The following L1TD1 variants were observed in gnomAD, a reference collection of about 807,000 sequenced individuals.
L1TD1 encodes LINE1 type transposase domain containing 1, also known as LINE-1 type transposase domain-containing protein 1.
Under a neutral mutation model 25.7 loss-of-function variants are expected in L1TD1, and 26 were observed. That is an observed-to-expected ratio of 1.01 (90% CI 0.74 to 1.40). The LOEUF is 1.40. L1TD1 is among the 40% of genes most tolerant of loss of function. The probability of loss-of-function intolerance (pLI) is 0.00; values close to 1 mark genes in which losing one functional copy is unlikely to be tolerated. For missense variants in L1TD1, 1,130 were observed against 975.0 expected (o/e 1.16, Z -2.12); for synonymous variants, 421 against 335.6 (o/e 1.25, Z -2.78).
intron 2 of L1TD1, among the ~76,000 whole-genome samples, chr1:62,201,001 C>G (rs909853109): frequency 2.6e-5 from 4 of 151,924 alleles, no homozygotes; most frequent in Admixed American, 1.3e-4. Flanking sequence ...GGCGTTAACC[C>G]TAATTCAACC....
intron 2 of L1TD1, among the ~76,000 whole-genome samples, chr1:62,204,641 T>G (rs116002899): frequency 0.035 from 5,327 of 152,252 alleles, 107 homozygotes; most frequent in Non-Finnish European, 0.049. Context: ...TGGGCTCAAG[T>G]AATCATTCCA....
rs553111238 is a variant in L1TD1, at chr1:62,212,108, T to C, written c.*736T>C. 1 of 151,996 alleles carries C rather than the reference T, an allele frequency of 6.6e-6. No individual in the cohort carries two copies. Among genetic ancestry groups the C allele is most frequent in the Admixed American group, 6.6e-5 (1 of 15,240 alleles). The allele number at this position is 151,996 out of a possible 1,614,324, so 9.4% of individuals were successfully genotyped here. The stretch of plus-strand genomic sequence containing the variant: ...AAAAGCACGGGAAAAGATGGCAAGG[T>C]TAGTTAAAATAGAAAAGTGCTCAGT... On this transcript the variant is annotated 3_prime_UTR_variant, in exon 4 of 4. Transcript: ENST00000498273.
intron 2 of L1TD1, among the ~76,000 whole-genome samples, chr1:62,199,572 T>C (rs901552887): frequency 1.3e-5 from 2 of 150,344 alleles, no homozygotes; most frequent in Admixed American, 6.6e-5. Context: ...GCTGTAATTT[T>C]CAGTTTTAAG....
At chr1:62,198,766 A>G (rs1370834546) in intron 2 of L1TD1, among the ~76,000 whole-genome samples, 3 of 143,390 alleles carry the variant, frequency 2.1e-5, no homozygotes, top group Non-Finnish European at 3.1e-5. Context: ...CCTGTATTGT[A>G]TACTTTTAAA....
Position 62,207,374 on chromosome 1 carries a change from T to A in L1TD1, c.746T>A (p.Leu249His), listed in dbSNP as rs1306770392. 2 of 1,551,622 alleles carry A rather than the reference T, an allele frequency of 1.3e-6. No individual in the cohort carries two copies. The highest frequency in any genetic ancestry group is 3.9e-5 in the Admixed American group (2 of 51,006). Residue 249 changes from leucine to histidine, a missense_variant, in exon 3 of 4, where the codon CTT becomes CAT. Transcript: ENST00000498273. ...GCAGTACTTACCCTGGTAGCCGACC[T>A]TTCATCAGCAACACTGGATATTAGT... ...EGAVLTLVADLSSATLDISKQ... is the reference protein window; with the variant it reads ...EGAVLTLVADHSSATLDISKQ...
chr1:62,206,400 CTTT>C, intron 2 of L1TD1, 116 bp from the exon 3 acceptor site: 1 of 265,012 alleles, frequency 3.8e-6, no homozygotes, highest in Non-Finnish European at 6.9e-6. Flanking sequence ...TGCTAGTGAA[CTTT>C]TTATTAATTT....
At chr1:62,203,574 C>T (rs1247221046) in intron 2 of L1TD1, among the ~76,000 whole-genome samples, 1 of 152,106 alleles carries the variant, frequency 6.6e-6, no homozygotes, top group African/African-American at 2.4e-5. Context: ...GCCACCACGT[C>T]TGGCTAATGT....
Position 62,207,014 on chromosome 1 carries a change from A to G in L1TD1, c.386A>G (p.Asp129Gly). The G allele has an allele frequency of 6.2e-7, 1 of 1,613,328 alleles. No individual in the cohort carries two copies. Among genetic ancestry groups the G allele is most frequent in the Non-Finnish European group, 8.5e-7 (1 of 1,179,776 alleles). The change falls in exon 3 of 4, where the codon GAT becomes GGT. Residue 129 changes from aspartate (D) to glycine (G), a missense_variant. By Grantham distance (94) the Asp-to-Gly change is moderately conservative (BLOSUM62 -1). Transcript: ENST00000498273. ...GGAGAAAACTCTAAAATAGGTGATGATAATGAAAATTTAACCTTTAAATTA... is the reference window on the plus strand; with the variant it reads ...GGAGAAAACTCTAAAATAGGTGATGGTAATGAAAATTTAACCTTTAAATTA... Reference protein sequence around the residue: ...IEGENSKIGDDNENLTFKLEV... With the variant: ...IEGENSKIGDGNENLTFKLEV...
At position 62,206,621 on chromosome 1, in the gene L1TD1, T is replaced by C. The variant is rs1204387206; in HGVS notation, c.-8T>C. Reference sequence around the variant, plus strand: ...AAAACAGAATCCAGTCTTGACAACATATCCACAATGTCTGATGTATCTACT... The same window carrying C: ...AAAACAGAATCCAGTCTTGACAACACATCCACAATGTCTGATGTATCTACT... On this transcript the variant is annotated 5_prime_UTR_variant, in exon 3 of 4. Transcript: ENST00000498273. 7 of 1,489,882 alleles carry C rather than the reference T, an allele frequency of 4.7e-6. No individual in the cohort carries two copies. The highest frequency in any genetic ancestry group is 1.4e-5 in the African/African-American group (1 of 70,804). The allele number at this position is 1,489,882 out of a possible 1,614,324, so 92.3% of individuals were successfully genotyped here. A position where few individuals can be genotyped will look rare whatever the true frequency, so the allele number is the denominator to read the frequency against.
At chr1:62,205,395 C>CTCTCTCTCTCTCTCTCTT (rs1670719671) in intron 2 of L1TD1, among the ~76,000 whole-genome samples, 1 of 38,072 alleles carries the variant, frequency 2.6e-5, no homozygotes, top group African/African-American at 1.1e-4. Context: ...CTCTTTCTCT[C>CTCTCTCTCTCTCTCTCTT]TCTCTCTCTC....
intron 2 of L1TD1, among the ~76,000 whole-genome samples, chr1:62,199,599 G>A (rs907329309): frequency 2.6e-5 from 4 of 152,194 alleles, no homozygotes; most frequent in East Asian, 1.9e-4. Flanking sequence ...ATGGTGGTGC[G>A]TGCTTGTATT....
At position 62,209,798 on chromosome 1, in the gene L1TD1, G is replaced by C. The variant is rs755571024; in HGVS notation, c.1024G>C (p.Asp342His). Residue 342 changes from aspartate (D) to histidine (H), a missense_variant, in exon 4 of 4, where the codon GAC becomes CAC. Asp to His is a moderately conservative substitution (Grantham distance 81). Transcript: ENST00000498273. Reference protein sequence around the residue: ...IQEKRDKTLIDSKHRAGEITS... With the variant: ...IQEKRDKTLIHSKHRAGEITS... ...TAACTTTCAGGATAAAACCCTAATAGACTCAAAGCATAGAGCTGGAGAAAT... is the reference window on the plus strand; with the variant it reads ...TAACTTTCAGGATAAAACCCTAATACACTCAAAGCATAGAGCTGGAGAAAT... The C allele has an allele frequency of 4.4e-6, 7 of 1,574,636 alleles. No individual in the cohort carries two copies. Among genetic ancestry groups the C allele is most frequent in the East Asian group, 2.2e-5 (1 of 44,650 alleles).
At position 62,205,443 on chromosome 1, in the gene L1TD1, A is replaced by AT. The variant is rs1261055805; in HGVS notation, c.-110-1067dup. 3.1e-3 allele frequency among the ~76,000 whole-genome samples: 199 copies of AT among 63,546 alleles called. 2 individuals are homozygous for AT. Among genetic ancestry groups the AT allele is most frequent in the Non-Finnish European group, 4.5e-3 (146 of 32,484 alleles). The allele number at this position is 63,546 out of a possible 152,430, so 41.7% of individuals were successfully genotyped here. ...TATATATATATATATATATATATAT[A>AT]TTTTTTTTTAGACAGTCTTGCTGTG... On this transcript the variant is annotated intron_variant, in intron 2 of 3. Coordinates refer to ENST00000498273, the MANE Select transcript of L1TD1 (RefSeq NM_019079.5).
intron 1 of L1TD1, 50 bp from the exon 2 acceptor site, chr1:62,196,385 C>T (rs901744073): frequency 4.1e-4 from 63 of 152,196 alleles, no homozygotes; most frequent in African/African-American, 1.4e-3. Flanking sequence ...TGATTTTCTA[C>T]ATTAAATAAA....
At chr1:62,201,916 A>G (rs1375689021) in intron 2 of L1TD1, among the ~76,000 whole-genome samples, 2 of 152,152 alleles carry the variant, frequency 1.3e-5, no homozygotes, top group Non-Finnish European at 2.9e-5. Context: ...ATAGGGTCCT[A>G]TGGACCTGTC....
rs116349428 is a variant in L1TD1, at chr1:62,211,558, G to C, written c.*186G>C. On this transcript the variant is annotated 3_prime_UTR_variant, in exon 4 of 4. Coordinates refer to ENST00000498273, the MANE Select transcript of L1TD1 (RefSeq NM_019079.5). ...TAAAGGGTATGTTTAAAAAAAATAG[G>C]CTGGTCTCAATGTAGTGAGTTATTT... 36,787 of 973,914 alleles carry C rather than the reference G, an allele frequency of 0.038. 862 individuals carry two copies. Among genetic ancestry groups the C allele is most frequent in the Middle Eastern group, 0.047 (132 of 2,826 alleles). 60.3% of individuals were successfully genotyped at this position (973,914 alleles called of 1,614,324 possible). A position where few individuals can be genotyped will look rare whatever the true frequency, so the allele number is the denominator to read the frequency against.
chr1:62,205,373 TTCTCTCTCTCTCTCTTTCTCTCTC>T lies in L1TD1; in HGVS notation c.-110-1130_-110-1107del, dbSNP rs1240908873. On this transcript the variant is annotated intron_variant, in intron 2 of 3. Coordinates refer to ENST00000498273, the MANE Select transcript of L1TD1 (RefSeq NM_019079.5). The stretch of plus-strand genomic sequence containing the variant: ...AAAATAAAACCAACGAAAACTCTCT[TTCTCTCTCTCTCTCTTTCTCTCTC>T]TCTCTCTCTCTCTCTCTCTCTATAT... Among the ~76,000 whole-genome samples the T allele has an allele frequency of 3.6e-3, 329 of 90,186 alleles. 8 individuals carry two copies. Among genetic ancestry groups the T allele is most frequent in the African/African-American group, 0.011 (295 of 25,730 alleles). The allele number at this position is 90,186 out of a possible 152,430, so 59.2% of individuals were successfully genotyped here.
At chr1:62,205,933 G>GTT in intron 2 of L1TD1, among the ~76,000 whole-genome samples, 1 of 152,088 alleles carries the variant, frequency 6.6e-6, no homozygotes, top group Admixed American at 6.6e-5. Context: ...GTCACCCTAT[G>GTT]TTGCCCAGGC....
intron 1 of L1TD1, among the ~76,000 whole-genome samples, chr1:62,195,412 A>G (rs1670515100): frequency 6.6e-6 from 1 of 152,276 alleles, no homozygotes; most frequent in African/African-American, 2.4e-5. Context: ...TGAAGAAAAA[A>G]TAAAGTCAAG....
Sources: gnomAD v4.1 joint callset for allele counts (sites outside exome capture counted in the v4.1 genomes callset) on GRCh38, gnomAD v4.1.1 for gene constraint, MANE v1.5 for transcripts, NCBI Gene and HGNC (gene_info 2026-07-23, HGNC 2026-07-21) for gene names.